Variants in S100A13 observed in about 807,000 individuals in gnomAD.
The protein encoded by S100A13 is protein S100-A13.
S100A13 carries 6 observed loss-of-function variants against 8.2 expected under a neutral mutation model. The ratio of observed to expected loss-of-function variants is 0.73; its 90% CI spans 0.40 to 1.44. S100A13 has a LOEUF of 1.44. S100A13 is among the 40% of genes most tolerant of loss of function. The pLI, the probability that S100A13 is intolerant of heterozygous loss-of-function variation, is 0.02. For synonymous variants in S100A13, 39 were observed against 45.9 expected (o/e 0.85, Z 0.61); for missense variants, 114 against 113.6 (o/e 1.00, Z -0.02).
intron 1 of S100A13, 35 bp from the exon 2 acceptor site, chr1:153,626,568 A>G: frequency 7.7e-7 from 1 of 1,301,406 alleles, no homozygotes. Flanking sequence ...AGGGAGAGTC[A>G]GGGAGCCCCA....
chr1:153,628,559 G>C (rs201734030), upstream of S100A13: 281 of 1,543,566 alleles, frequency 1.8e-4, no homozygotes, highest in East Asian at 6.6e-3. Context: ...GGGGTCTTCA[G>C]AAGGGCTCCA....
upstream of S100A13, chr1:153,628,352 T>C (rs1184184406): frequency 5.2e-6 from 8 of 1,538,344 alleles, no homozygotes; most frequent in African/African-American, 1.1e-4. Flanking sequence ...CCACAGGGTG[T>C]TCGTCTGTGA....
chr1:153,629,021 T>G (rs1003874457), upstream of S100A13: 1 of 156,142 alleles, frequency 6.4e-6, no homozygotes, highest in African/African-American at 2.4e-5. Flanking sequence ...GAAGCAGAGA[T>G]GTAGGGTGCT....
intron 2 of S100A13, among the ~76,000 whole-genome samples, chr1:153,625,403 C>T (rs767323056): frequency 2.6e-4 from 39 of 152,308 alleles, no homozygotes; most frequent in Non-Finnish European, 4.9e-4. Context: ...CAGGCCTCTT[C>T]GAGGCCAGAG....
At chr1:153,628,302 G>A (rs3806233), upstream of S100A13, 696,484 of 1,510,776 alleles carry the variant, frequency 0.46, 166,216 homozygotes, top group East Asian at 0.64. Context: ...TTCCAGCCCA[G>A]GAGACAGAGG....
chr1:153,628,314 C>A (rs542286839), upstream of S100A13: 15 of 1,503,288 alleles, frequency 1.0e-5, no homozygotes, highest in Non-Finnish European at 9.8e-6. Context: ...AGACAGAGGG[C>A]GCCTCTGTCT....
At position 153,626,352 on chromosome 1, in the gene S100A13, G is replaced by C. The variant is rs1667622890; in HGVS notation, c.121C>G (p.Leu41Val). The C allele has an allele frequency of 1.9e-6, 3 of 1,614,180 alleles. No homozygotes were observed. The highest frequency in any genetic ancestry group is 1.6e-4 in the Middle Eastern group (1 of 6,062). Residue 41 changes from leucine to valine, a missense_variant, in exon 2 of 3, where the codon CTG becomes GTG. Leu to Val is a conservative substitution (Grantham distance 32, BLOSUM62 1). Coordinates refer to ENST00000476133, the MANE Select transcript of S100A13 (RefSeq NM_001024211.2). ...AGATGGGGCAACTGCTGGGTAACCA[G>C]CTCTTTGAACTCGTTGACGCTGAGG... is the stretch of plus-strand genomic sequence containing the variant. The part of the protein sequence containing the change: ...DSLSVNEFKE[L>V]VTQQLPHLLK...
upstream of S100A13, chr1:153,631,154 G>A (rs1276803614): frequency 5.8e-6 from 2 of 347,166 alleles, no homozygotes; most frequent in Non-Finnish European, 5.2e-6. Context: ...TGTGGAGCAT[G>A]TCAGTAGTTT....
upstream of S100A13, chr1:153,629,509 AGGG>A (rs1291174817): frequency 1.3e-5 from 2 of 152,334 alleles, no homozygotes; most frequent in African/African-American, 4.8e-5. Context: ...AGACTGTCCC[AGGG>A]CCAAGGGAAA....
Position 153,619,031 on chromosome 1 carries a change from C to A in S100A13, c.161G>T (p.Gly54Val), listed in dbSNP as rs539010558. 5.0e-6 allele frequency: 8 copies of A among 1,613,530 alleles called. No individual in the cohort carries two copies. The South Asian group carries it at 8.8e-5, about 18-fold the overall frequency. ...GCTCTTCATCTTCTCATCAAGAGAGCCCACATCCTGAGGAGACACCAAAGG... is the reference window on the plus strand; with the variant it reads ...GCTCTTCATCTTCTCATCAAGAGAGACCACATCCTGAGGAGACACCAAAGG... ...QQLPHLLKDV[G>V]SLDEKMKSLD... The change falls in exon 3 of 3, where the codon GGC becomes GTC. Residue 54 changes from glycine to valine, a missense_variant. Transcript: ENST00000476133.
intron 1 of S100A13, chr1:153,626,786 A>G (rs1667668137): frequency 3.7e-6 from 1 of 266,804 alleles, no homozygotes; most frequent in Admixed American, 4.5e-5. Flanking sequence ...TCCTTTTTAA[A>G]TGTCTGTGGC....
chr1:153,628,737 T>G, upstream of S100A13: 1 of 657,962 alleles, frequency 1.5e-6, no homozygotes, highest in African/African-American at 1.8e-5. Context: ...AGGAAGCCAG[T>G]GGGGAACCCA....
chr1:153,633,624 T>C (rs1354139220), upstream of S100A13, among the ~76,000 whole-genome samples: 2 of 152,186 alleles, frequency 1.3e-5, no homozygotes, highest in East Asian at 3.9e-4. Flanking sequence ...CTGGAGCATT[T>C]ACGGCACTTC....
chr1:153,628,125 C>G (rs1667782791), upstream of S100A13: 1 of 1,550,424 alleles, frequency 6.4e-7, no homozygotes, highest in Non-Finnish European at 8.7e-7. Flanking sequence ...CCTTACCGGG[C>G]TCAACCAGCA....
At chr1:153,634,084 T>G (rs1041589421), upstream of S100A13, 2 of 152,794 alleles carry the variant, frequency 1.3e-5, no homozygotes, top group Non-Finnish European at 2.9e-5. Context: ...CATTTTGTTT[T>G]GGACACCGAG....
chr1:153,620,046 G>A (rs1164265611), intron 2 of S100A13, among the ~76,000 whole-genome samples: 1 of 152,126 alleles, frequency 6.6e-6, no homozygotes, highest in African/African-American at 2.4e-5. Context: ...CAACGCTTTG[G>A]GAGGCTGAGG....
upstream of S100A13, chr1:153,630,739 C>T (rs1667966903): frequency 6.5e-7 from 1 of 1,545,128 alleles, no homozygotes; most frequent in Non-Finnish European, 8.8e-7. Context: ...TTGCTATCTC[C>T]CCACCCCACC....
At chr1:153,632,730 C>T (rs145517659), upstream of S100A13, among the ~76,000 whole-genome samples, 955 of 152,192 alleles carry the variant, frequency 6.3e-3, 14 homozygotes, top group African/African-American at 0.022. Context: ...CACACAAACA[C>T]ATACACACAC....
chr1:153,630,852 T>C (rs1335060121), upstream of S100A13, among the ~76,000 whole-genome samples: 1 of 152,262 alleles, frequency 6.6e-6, no homozygotes, highest in East Asian at 1.9e-4. Context: ...CCCTGGTTTA[T>C]TGATCACCTG....
Sources: allele counts gnomAD v4.1 joint callset (sites outside exome capture counted in the v4.1 genomes callset), GRCh38; gene constraint gnomAD v4.1.1; transcripts MANE v1.5; gene names NCBI Gene and HGNC (gene_info 2026-07-23, HGNC 2026-07-21).